The following BST1 variants were observed in gnomAD, a reference collection of about 807,000 sequenced individuals.
The protein encoded by BST1 is ADP-ribosyl cyclase/cyclic ADP-ribose hydrolase 2.
A neutral mutation model predicts 40.6 loss-of-function variants in BST1; 49 were observed. The ratio of observed to expected loss-of-function variants is 1.21; its 90% CI spans 0.96 to 1.53. The LOEUF (loss-of-function observed/expected upper bound fraction) is 1.53. Among genes scored for constraint, BST1 ranks in the 40% most tolerant of loss-of-function variants. BST1 has a pLI of 0.00. For synonymous variants in BST1, 157 were observed against 159.3 expected, an observed-to-expected ratio of 0.99 and a Z score of 0.11; for missense variants, 423 against 395.9, an observed-to-expected ratio of 1.07 and a Z score of -0.58.
chr4:15,725,882 G>A (rs897943207), intron 8 of BST1, among the ~76,000 whole-genome samples: 2 of 149,532 alleles, frequency 1.3e-5, no homozygotes, highest in African/African-American at 4.9e-5. Context: ...AAACCCTCAT[G>A]TGACTGCATT....
At position 15,703,143 on chromosome 4, in the gene BST1, C is replaced by G; in HGVS notation, c.-2C>G. On this transcript the variant is annotated 5_prime_UTR_variant, in exon 1 of 9. Coordinates refer to ENST00000265016, the MANE Select transcript of BST1 (RefSeq NM_004334.3). ...CGGGACTGGAGGGACCAAAGTTCCC[C>G]GATGGCGGCCCAGGGGTGCGCGGCA... The G allele has an allele frequency of 2.5e-6, 4 of 1,579,248 alleles. No homozygotes were observed. The highest frequency in any genetic ancestry group is 3.4e-6 in the Non-Finnish European group (4 of 1,165,188).
chr4:15,737,697 TCCTGTCGTAGGTACCAGGTA>T, downstream of BST1: 1 of 919,726 alleles, frequency 1.1e-6, no homozygotes, highest in South Asian at 1.4e-5. Context: ...CTCTTTCCTC[TCCTGTCGTAGGTACCAGGTA>T]CCTTACACTT....
At chr4:15,768,474 C>T in the BST1 span, among the ~76,000 whole-genome samples, 1 of 145,106 alleles carries the variant, frequency 6.9e-6, no homozygotes, top group African/African-American at 2.5e-5. Context: ...TGTTGATGGA[C>T]AGTATCTTTT....
At position 15,732,398 on chromosome 4, in the gene BST1, AC is replaced by A. The variant is rs1721412552; in HGVS notation, c.*555del. On this transcript the variant is annotated 3_prime_UTR_variant, in exon 9 of 9. Coordinates refer to ENST00000265016, the MANE Select transcript of BST1 (RefSeq NM_004334.3). ...GGTGGGGAGATCTCAGCTCACTGCA[AC>A]CTCTGCTTCCAGGATTCAAGCGATT... 6.6e-6 allele frequency: 1 copy of A among 152,538 alleles called. No homozygotes were observed. Among genetic ancestry groups the A allele is most frequent in the South Asian group, 2.1e-4 (1 of 4,832 alleles). 9.4% of individuals were successfully genotyped at this position (152,538 alleles called of 1,614,324 possible). A position where few individuals can be genotyped will look rare whatever the true frequency, so the allele number is the denominator to read the frequency against.
At chr4:15,739,554 CGTGTGT>C (rs58171340), downstream of BST1, among the ~76,000 whole-genome samples, 2,686 of 144,016 alleles carry the variant, frequency 0.019, 34 homozygotes, top group Non-Finnish European at 0.023. Flanking sequence ...GAAGCCAAAC[CGTGTGT>C]GTGTGTGTGT....
chr4:15,761,195 C>CAGA, the BST1 span, among the ~76,000 whole-genome samples: 3 of 151,906 alleles, frequency 2.0e-5, no homozygotes, highest in Non-Finnish European at 4.4e-5. Context: ...CAGGCATGTT[C>CAGA]CACCATGCCC....
chr4:15,707,428 C>T (rs1383196801), intron 2 of BST1, 83 bp from the exon 3 acceptor site: 1 of 1,566,772 alleles, frequency 6.4e-7, no homozygotes, highest in Non-Finnish European at 8.8e-7. Context: ...ACTGGATTGC[C>T]CAACTTGCCT....
Position 15,705,504 on chromosome 4 carries a change from C to G in BST1, c.189-11C>G, listed in dbSNP as rs777585050. 6 of 1,561,274 alleles carry G rather than the reference C, an allele frequency of 3.8e-6. No homozygotes were observed. In the South Asian group the frequency reaches 7.4e-5, roughly 19 times the overall value. ...ATGTGTGTGTTCTTCCCAACTTGTA[C>G]TTTTGCACAGGAACAAGAACTGCAC... On this transcript the variant is annotated splice_polypyrimidine_tract_variant and intron_variant, in intron 1 of 8. Transcript: ENST00000265016.
chr4:15,714,043 AGT>A (rs1300309316), intron 4 of BST1, among the ~76,000 whole-genome samples: 1 of 151,832 alleles, frequency 6.6e-6, no homozygotes, highest in Non-Finnish European at 1.5e-5. Context: ...TCTTTTTGTC[AGT>A]GTAATAGCTG....
At chr4:15,754,778 A>C in the BST1 span, among the ~76,000 whole-genome samples, 3 of 152,244 alleles carry the variant, frequency 2.0e-5, no homozygotes, top group Non-Finnish European at 4.4e-5. Context: ...GCTTAAAAAT[A>C]AAACACTATG....
chr4:15,758,928 T>C, the BST1 span, among the ~76,000 whole-genome samples: 1 of 152,036 alleles, frequency 6.6e-6, no homozygotes, highest in South Asian at 2.1e-4. Context: ...TTGTCTTCAC[T>C]GCAGGTGGAT....
chr4:15,751,573 G>T, the BST1 span, among the ~76,000 whole-genome samples: 10 of 151,826 alleles, frequency 6.6e-5, no homozygotes, highest in East Asian at 1.9e-3. Flanking sequence ...ATACATTATA[G>T]TCACTATTGT....
At chr4:15,703,901 T>C (rs1206933838) in intron 1 of BST1, among the ~76,000 whole-genome samples, 4 of 130,638 alleles carry the variant, frequency 3.1e-5, no homozygotes, top group African/African-American at 3.0e-5. Context: ...TGTGTGTGCG[T>C]GCGCTCTAGA....
At position 15,732,607 on chromosome 4, in the gene BST1, C is replaced by T. The variant is rs1340520144; in HGVS notation, c.*762C>T. Reference sequence around the variant, plus strand: ...TGCTAGGATTACAGGCGTGAGCCACCACATCCAGCCATAATAGTTACTTAT... The same window carrying T: ...TGCTAGGATTACAGGCGTGAGCCACTACATCCAGCCATAATAGTTACTTAT... On this transcript the variant is annotated 3_prime_UTR_variant, in exon 9 of 9. Transcript: ENST00000265016. 6.6e-6 allele frequency: 1 copy of T among 152,182 alleles called. No individual in the cohort carries two copies. The highest frequency in any genetic ancestry group is 1.5e-5 in the Non-Finnish European group (1 of 68,044). The allele number at this position is 152,182 out of a possible 1,614,324, so 9.4% of individuals were successfully genotyped here.
chr4:15,703,306 C>G lies in BST1; in HGVS notation c.162C>G (p.Tyr54Ter). Reference protein sequence around the residue: ...RDIFLGRCAEYRALLSPEQRN... With the variant: ...RDIFLGRCAE Reference sequence around the variant, plus strand: ...TCTTCCTGGGCCGCTGCGCCGAGTACCGCGCACTGCTGAGTCCCGAGCAGC... The same window carrying G: ...TCTTCCTGGGCCGCTGCGCCGAGTAGCGCGCACTGCTGAGTCCCGAGCAGC... Residue 54 changes from tyrosine to a stop codon, truncating the protein, a stop_gained, in exon 1 of 9, where the codon TAC becomes TAG. Coordinates refer to ENST00000265016, the MANE Select transcript of BST1 (RefSeq NM_004334.3). LOFTEE classifies it high-confidence loss of function. The G allele has an allele frequency of 6.5e-7, 1 of 1,527,172 alleles. No homozygotes were observed. The highest frequency in any genetic ancestry group is 2.5e-5 in the East Asian group (1 of 39,498). 94.6% of individuals were successfully genotyped at this position (1,527,172 alleles called of 1,614,324 possible).
chr4:15,773,484 C>T, the BST1 span, among the ~76,000 whole-genome samples: 6 of 152,216 alleles, frequency 3.9e-5, no homozygotes, highest in Non-Finnish European at 7.3e-5. Flanking sequence ...CTCATCTTTT[C>T]GTGATCTCTC....
At chr4:15,761,306 C>G in the BST1 span, among the ~76,000 whole-genome samples, 44 of 151,998 alleles carry the variant, frequency 2.9e-4, no homozygotes, top group Non-Finnish European at 5.9e-4. Context: ...TTTTAAAATT[C>G]TACTCTAGCT....
At chr4:15,746,560 A>AAC in the BST1 span, among the ~76,000 whole-genome samples, 1 of 152,212 alleles carries the variant, frequency 6.6e-6, no homozygotes, top group Non-Finnish European at 1.5e-5. Flanking sequence ...CTCCTGCAAT[A>AAC]ACCAACCCAC....
In BST1 at chr4:15,703,133, C is replaced by G; in HGVS notation, c.-12C>G. 1 of 1,583,088 alleles carries G rather than the reference C, an allele frequency of 6.3e-7. No homozygotes were observed. Among genetic ancestry groups the G allele is most frequent in the Non-Finnish European group, 8.6e-7 (1 of 1,167,760 alleles). On this transcript the variant is annotated 5_prime_UTR_variant, in exon 1 of 9. Transcript: ENST00000265016. Reference sequence around the variant, plus strand: ...GGAGGAAGCACGGGACTGGAGGGACCAAAGTTCCCCGATGGCGGCCCAGGG... The same window carrying G: ...GGAGGAAGCACGGGACTGGAGGGACGAAAGTTCCCCGATGGCGGCCCAGGG...
Sources: allele counts gnomAD v4.1 joint callset (sites outside exome capture counted in the v4.1 genomes callset), GRCh38; gene constraint gnomAD v4.1.1; transcripts MANE v1.5; gene names NCBI Gene and HGNC (gene_info 2026-07-23, HGNC 2026-07-21).